CDH12: variants seen among roughly 807,000 people sequenced by gnomAD.
CDH12 encodes the protein cadherin-12.
Under a neutral mutation model 74.1 loss-of-function variants are expected in CDH12, and 41 were observed. The ratio of observed to expected loss-of-function variants is 0.55; its 90% CI spans 0.43 to 0.72. The LOEUF (loss-of-function observed/expected upper bound fraction) is 0.72. Ranked by LOEUF, CDH12 falls within the 30% of genes least tolerant of loss-of-function variation. CDH12 has a pLI of 0.00. For missense variants in CDH12, 945 were observed against 977.2 expected, an observed-to-expected ratio of 0.97 and a Z score of 0.44; for synonymous variants, 399 against 355.0, an observed-to-expected ratio of 1.12 and a Z score of -1.39.
chr5:22,497,554 C>T (rs1747148988), intron 2 of CDH12, among the ~76,000 whole-genome samples: 1 of 151,466 alleles, frequency 6.6e-6, no homozygotes, highest in South Asian at 2.1e-4. Context: ...GCACTATCAA[C>T]ACATCAGCCA....
At chr5:22,541,799 A>G (rs982893403) in intron 1 of CDH12, among the ~76,000 whole-genome samples, 2 of 152,352 alleles carry the variant, frequency 1.3e-5, no homozygotes, top group South Asian at 4.1e-4. Flanking sequence ...GAGTAAAACT[A>G]GGACCTAAGA....
chr5:22,507,486 G>T (rs1426888133), intron 1 of CDH12, among the ~76,000 whole-genome samples: 1 of 152,004 alleles, frequency 6.6e-6, no homozygotes, highest in Non-Finnish European at 1.5e-5. Flanking sequence ...TAACAAGGTA[G>T]ACTAATAATC....
chr5:22,009,985 G>T (rs1317755367), intron 5 of CDH12, among the ~76,000 whole-genome samples: 1 of 143,206 alleles, frequency 7.0e-6, no homozygotes, highest in Non-Finnish European at 1.5e-5. Context: ...AAAAGAGAAA[G>T]AAGGAAAGAA....
intron 1 of CDH12, among the ~76,000 whole-genome samples, chr5:22,702,549 T>C (rs1341115162): frequency 6.6e-6 from 1 of 152,006 alleles, no homozygotes; most frequent in East Asian, 1.9e-4. Context: ...CCCTTCTCCT[T>C]GATCTATTTT....
chr5:22,035,691 T>C (rs1739127450), intron 5 of CDH12, among the ~76,000 whole-genome samples: 2 of 146,454 alleles, frequency 1.4e-5, no homozygotes, highest in Middle Eastern at 3.5e-3. Flanking sequence ...GGTTTACTTC[T>C]TCTTTTTTTA....
intron 9 of CDH12, among the ~76,000 whole-genome samples, chr5:21,808,718 A>G (rs878989717): frequency 1.3e-5 from 2 of 152,126 alleles, no homozygotes; most frequent in African/African-American, 4.8e-5. Context: ...ACTCAGTTTT[A>G]TGATCAATAT....
intron 3 of CDH12, among the ~76,000 whole-genome samples, chr5:22,252,674 A>T (rs1382133737): frequency 6.6e-6 from 1 of 152,026 alleles, no homozygotes; most frequent in East Asian, 1.9e-4. Context: ...CTTCAAGATT[A>T]CTGCAACAGC....
At chr5:22,770,565 A>G (rs1192283475) in intron 1 of CDH12, among the ~76,000 whole-genome samples, 1 of 152,138 alleles carries the variant, frequency 6.6e-6, no homozygotes, top group Non-Finnish European at 1.5e-5. Context: ...TATTAAAGCT[A>G]ATTTATTTGC....
intron 3 of CDH12, among the ~76,000 whole-genome samples, chr5:22,287,056 A>G (rs1393773759): frequency 6.6e-6 from 1 of 152,216 alleles, no homozygotes; most frequent in Non-Finnish European, 1.5e-5. Flanking sequence ...TGAACTGGGC[A>G]TTGAGATTAT....
At chr5:22,041,581 C>G (rs1360297643) in intron 5 of CDH12, among the ~76,000 whole-genome samples, 1 of 152,016 alleles carries the variant, frequency 6.6e-6, no homozygotes, top group African/African-American at 2.4e-5. Flanking sequence ...CAAAGAAGAA[C>G]TTTAATAATA....
intron 1 of CDH12, among the ~76,000 whole-genome samples, chr5:22,606,109 C>T (rs1480779947): frequency 6.6e-6 from 1 of 152,196 alleles, no homozygotes; most frequent in Non-Finnish European, 1.5e-5. Flanking sequence ...CCACCACTGG[C>T]CCCAAGCCAT....
chr5:21,809,116 G>T (rs1747599930), intron 9 of CDH12, among the ~76,000 whole-genome samples: 1 of 151,994 alleles, frequency 6.6e-6, no homozygotes, highest in Non-Finnish European at 1.5e-5. Context: ...TAATTTTTCT[G>T]TGGACAAGTT....
chr5:22,605,748 C>A (rs1737081871), intron 1 of CDH12, among the ~76,000 whole-genome samples: 1 of 152,238 alleles, frequency 6.6e-6, no homozygotes, highest in African/African-American at 2.4e-5. Flanking sequence ...AGGCTGCTAG[C>A]TATAGCTGCA....
intron 2 of CDH12, among the ~76,000 whole-genome samples, chr5:22,494,056 C>A (rs988545375): frequency 1.3e-5 from 2 of 152,112 alleles, no homozygotes; most frequent in African/African-American, 4.8e-5. Context: ...ATTGGGAGGG[C>A]TGTGGTTGAG....
chr5:21,846,733 C>T (rs1284842733), intron 7 of CDH12, among the ~76,000 whole-genome samples: 1 of 151,936 alleles, frequency 6.6e-6, no homozygotes. Context: ...AGTTTGTTTT[C>T]TTGAAAAAAG....
At chr5:22,800,218 G>T (rs1418638517) in intron 1 of CDH12, among the ~76,000 whole-genome samples, 1 of 152,116 alleles carries the variant, frequency 6.6e-6, no homozygotes, top group African/African-American at 2.4e-5. Context: ...GTTGTCACTA[G>T]TGTGGGGCTA....
Position 22,487,256 on chromosome 5 carries a change from C to T in CDH12, c.-428+18014G>A, listed in dbSNP as rs1746645217. ...ACCTCAGGTGATCCACCCTCCTTGA[C>T]CTCCCAAAGTCCTGGGATTACAGGC... On this transcript the variant is annotated intron_variant, in intron 2 of 14. Transcript: ENST00000382254. Among the ~76,000 whole-genome samples, 3 of 152,114 alleles carry T rather than the reference C, an allele frequency of 2.0e-5. No individual in the cohort carries two copies. In the South Asian group the frequency reaches 6.2e-4, roughly 32 times the overall value.
intron 6 of CDH12, among the ~76,000 whole-genome samples, chr5:21,914,012 T>C (rs1753978399): frequency 6.6e-6 from 1 of 152,180 alleles, no homozygotes; most frequent in Non-Finnish European, 1.5e-5. Context: ...GTATAGATTC[T>C]CAGTGTTTCA....
chr5:22,813,185 C>T (rs1749230442), intron 1 of CDH12, among the ~76,000 whole-genome samples: 1 of 152,016 alleles, frequency 6.6e-6, no homozygotes, highest in Admixed American at 6.6e-5. Context: ...TAAATAAAAC[C>T]TCTTGATTCT....
Sources: allele counts gnomAD v4.1 joint callset (sites outside exome capture counted in the v4.1 genomes callset), GRCh38; gene constraint gnomAD v4.1.1; transcripts MANE v1.5; gene names NCBI Gene and HGNC (gene_info 2026-07-23, HGNC 2026-07-21).